SLC9B2: variants seen among roughly 807,000 people sequenced by gnomAD.
The protein encoded by SLC9B2 is solute carrier family 9 member B2, also known as sodium/hydrogen exchanger 9B2.
SLC9B2 carries 39 observed loss-of-function variants against 52.2 expected under a neutral mutation model. The ratio of observed to expected loss-of-function variants is 0.75; its 90% CI spans 0.58 to 0.98. The LOEUF (loss-of-function observed/expected upper bound fraction) is 0.98, where lower values mean the gene tolerates loss of function less well. SLC9B2 is among the 50% of genes least tolerant of loss of function. The pLI is 0.00. For missense variants in SLC9B2, 626 were observed against 637.5 expected, an observed-to-expected ratio of 0.98 and a Z score of 0.19; for synonymous variants, 214 against 227.0, an observed-to-expected ratio of 0.94 and a Z score of 0.51.
intron 9 of SLC9B2, among the ~76,000 whole-genome samples, chr4:103,034,193 C>T (rs966585306): frequency 6.6e-6 from 1 of 152,152 alleles, no homozygotes; most frequent in Non-Finnish European, 1.5e-5. Context: ...CTGACAAAAA[C>T]AAGCAACTGG....
At chr4:103,043,228 T>C in intron 9 of SLC9B2, 68 bp downstream of exon 9, 3 of 1,440,118 alleles carry the variant, frequency 2.1e-6, no homozygotes, top group Non-Finnish European at 2.8e-6. Flanking sequence ...GCTAAGAAAG[T>C]ATCTGGAAAG....
intron 4 of SLC9B2, among the ~76,000 whole-genome samples, chr4:103,054,396 T>A (rs1442922096): frequency 6.6e-6 from 1 of 152,232 alleles, no homozygotes; most frequent in Non-Finnish European, 1.5e-5. Flanking sequence ...TCTCAGGCCA[T>A]GAAGACCTAC....
chr4:103,060,350 A>G (rs747523208), intron 3 of SLC9B2, among the ~76,000 whole-genome samples: 28 of 151,658 alleles, frequency 1.8e-4, no homozygotes, highest in Admixed American at 7.2e-4. Context: ...TTACTATCCT[A>G]TATCTTTCAT....
intron 7 of SLC9B2, 144 bp from the exon 8 acceptor site, chr4:103,045,140 A>C: frequency 1.6e-6 from 1 of 611,720 alleles, no homozygotes; most frequent in Non-Finnish European, 2.8e-6. Flanking sequence ...TAAATATGTA[A>C]GTGGAACCTA....
intron 9 of SLC9B2, among the ~76,000 whole-genome samples, chr4:103,036,557 G>A (rs1743194031): frequency 1.3e-5 from 2 of 149,422 alleles, no homozygotes; most frequent in South Asian, 4.2e-4. Flanking sequence ...CAAAACATAT[G>A]CACAACTAAT....
At chr4:103,042,165 C>T (rs1743700795) in intron 9 of SLC9B2, 1 of 151,932 alleles carries the variant, frequency 6.6e-6, no homozygotes, top group African/African-American at 2.4e-5. Context: ...CACAGAGATC[C>T]ACTTAATTGA....
chr4:103,057,295 T>TATATATATATACAC (rs1560555252), intron 4 of SLC9B2, among the ~76,000 whole-genome samples: 4 of 145,946 alleles, frequency 2.7e-5, no homozygotes, highest in African/African-American at 1.0e-4. Flanking sequence ...CACACATATA[T>TATATATATATACAC]ACACACACAC....
chr4:103,071,698 G>A (rs1241479135), intron 1 of SLC9B2, among the ~76,000 whole-genome samples: 5 of 152,044 alleles, frequency 3.3e-5, no homozygotes, highest in African/African-American at 1.2e-4. Flanking sequence ...TTTTAATAGG[G>A]ATGGGTTTCA....
intron 11 of SLC9B2, among the ~76,000 whole-genome samples, chr4:103,028,015 A>G (rs1023948168): frequency 4.6e-5 from 7 of 152,192 alleles, no homozygotes; most frequent in African/African-American, 1.7e-4. Flanking sequence ...CTGAAAATAT[A>G]CAACCAAAGA....
At position 103,026,258 on chromosome 4, in the gene SLC9B2, T is replaced by C; in HGVS notation, c.*112A>G. 1.0e-6 allele frequency: 1 copy of C among 993,452 alleles called. No individual in the cohort carries two copies. Among genetic ancestry groups the C allele is most frequent in the African/African-American group, 1.6e-5 (1 of 61,516 alleles). 61.5% of individuals were successfully genotyped at this position (993,452 alleles called of 1,614,324 possible). A position where few individuals can be genotyped will look rare whatever the true frequency, so the allele number is the denominator to read the frequency against. ...TAAAAATGCTGTTTAAAGAAACAGCTACACTTTTGGTTCTATTACATTTTA... is the reference window on the plus strand; with the variant it reads ...TAAAAATGCTGTTTAAAGAAACAGCCACACTTTTGGTTCTATTACATTTTA... On this transcript the variant is annotated 3_prime_UTR_variant, in exon 12 of 12. Coordinates refer to ENST00000394785, the MANE Select transcript of SLC9B2 (RefSeq NM_178833.7).
In SLC9B2 at chr4:103,067,600, G is replaced by C. The variant is rs1335086833; in HGVS notation, c.-42-8C>G. Reference sequence around the variant, plus strand: ...AGGGAAGAGGAACGAGATCTGTTTTGAAAGAGTATAGATATAGAGCAGTAA... The same window carrying C: ...AGGGAAGAGGAACGAGATCTGTTTTCAAAGAGTATAGATATAGAGCAGTAA... On this transcript the variant is annotated splice_polypyrimidine_tract_variant and splice_region_variant and intron_variant, in intron 1 of 11. Transcript: ENST00000394785. 2 of 1,383,612 alleles carry C rather than the reference G, an allele frequency of 1.4e-6. No homozygotes were observed. Among genetic ancestry groups the C allele is most frequent in the Non-Finnish European group, 2.1e-6 (2 of 974,618 alleles). 85.7% of individuals were successfully genotyped at this position (1,383,612 alleles called of 1,614,324 possible).
chr4:103,064,187 C>T (rs979211959), intron 3 of SLC9B2, among the ~76,000 whole-genome samples: 3 of 152,192 alleles, frequency 2.0e-5, no homozygotes, highest in Non-Finnish European at 4.4e-5. Flanking sequence ...GAAGAGATTT[C>T]TGCACTCCCA....
intron 9 of SLC9B2, 146 bp from the exon 10 acceptor site, chr4:103,031,954 G>A (rs1316288636): frequency 7.4e-6 from 5 of 673,518 alleles, no homozygotes; most frequent in African/African-American, 3.7e-5. Context: ...CTAGAACAGA[G>A]CAAAAAAACT....
At chr4:103,050,128 T>C in intron 5 of SLC9B2, 112 bp downstream of exon 5, 1 of 921,948 alleles carries the variant, frequency 1.1e-6, no homozygotes, top group Non-Finnish European at 1.5e-6. Flanking sequence ...TTCTCAAGAA[T>C]GTCATGCAAA....
Position 103,076,359 on chromosome 4 carries a change from A to T in SLC9B2, c.-218T>A, listed in dbSNP as rs1747158358. On this transcript the variant is annotated 5_prime_UTR_variant, in exon 1 of 12. Coordinates refer to ENST00000394785, the MANE Select transcript of SLC9B2 (RefSeq NM_178833.7). ...CAGATAAACGGTCTCAGGGCGCGGCACCGCGTGTAGTCGGCCCCGCCTTTC... is the reference window on the plus strand; with the variant it reads ...CAGATAAACGGTCTCAGGGCGCGGCTCCGCGTGTAGTCGGCCCCGCCTTTC... 1.3e-5 allele frequency: 2 copies of T among 152,376 alleles called. No homozygotes were observed. Among genetic ancestry groups the T allele is most frequent in the Admixed American group, 6.5e-5 (1 of 15,304 alleles). 9.4% of individuals were successfully genotyped at this position (152,376 alleles called of 1,614,324 possible).
At chr4:103,055,506 A>G (rs1316465142) in intron 4 of SLC9B2, among the ~76,000 whole-genome samples, 1 of 152,248 alleles carries the variant, frequency 6.6e-6, no homozygotes, top group Non-Finnish European at 1.5e-5. Context: ...ACCTAAAATT[A>G]GAAATACATT....
intron 10 of SLC9B2, among the ~76,000 whole-genome samples, chr4:103,029,302 A>G (rs1418845813): frequency 6.6e-6 from 1 of 152,212 alleles, no homozygotes; most frequent in African/African-American, 2.4e-5. Flanking sequence ...TCAGAGAAAG[A>G]CACATAAACA....
At chr4:103,075,748 T>A (rs1747068676) in intron 1 of SLC9B2, among the ~76,000 whole-genome samples, 1 of 152,084 alleles carries the variant, frequency 6.6e-6, no homozygotes, top group Non-Finnish European at 1.5e-5. Flanking sequence ...AGCCATAATA[T>A]AAAAGGAGTT....
intron 7 of SLC9B2, among the ~76,000 whole-genome samples, chr4:103,046,612 T>C (rs1255038467): frequency 6.6e-6 from 1 of 151,922 alleles, no homozygotes; most frequent in African/African-American, 2.4e-5. Flanking sequence ...TCACTTGGAC[T>C]GCTCTCTGTC....
Sources: gnomAD v4.1 joint callset for allele counts (sites outside exome capture counted in the v4.1 genomes callset) on GRCh38, gnomAD v4.1.1 for gene constraint, MANE v1.5 for transcripts, NCBI Gene and HGNC (gene_info 2026-07-23, HGNC 2026-07-21) for gene names.